UVRAG: variants seen among roughly 807,000 people sequenced by gnomAD.
The protein encoded by UVRAG is UV radiation resistance-associated gene protein.
Under a neutral mutation model 78.0 loss-of-function variants are expected in UVRAG, and 19 were observed. That is an observed-to-expected ratio of 0.24 (90% CI 0.17 to 0.36). The LOEUF (loss-of-function observed/expected upper bound fraction) is 0.36. UVRAG is among the 10% of genes least tolerant of loss of function. UVRAG has a pLI of 1.00. For synonymous variants in UVRAG, 323 were observed against 324.6 expected, an observed-to-expected ratio of 1.00 and a Z score of 0.05; for missense variants, 740 against 853.8, an observed-to-expected ratio of 0.87 and a Z score of 1.66.
chr11:76,015,610 AT>A lies in UVRAG; in HGVS notation c.1061-1204del, dbSNP rs967693638. ...CAGAAAAAAGTATATATATAAAAAA[AT>A]ATATAAATAGTTACCTATTTTTATA... On this transcript the variant is annotated intron_variant, in intron 11 of 14. Transcript: ENST00000356136. 2.6e-5 allele frequency among the ~76,000 whole-genome samples: 4 copies of A among 152,194 alleles called. No homozygotes were observed. The East Asian group carries it at 5.8e-4, about 22-fold the overall frequency.
chr11:76,138,679 GA>G (rs1952643129), intron 14 of UVRAG, among the ~76,000 whole-genome samples: 1 of 152,230 alleles, frequency 6.6e-6, no homozygotes, highest in Non-Finnish European at 1.5e-5. Context: ...GTCACAGCAT[GA>G]GGGGTTAAGC....
At chr11:76,008,207 G>A (rs1949986807) in intron 10 of UVRAG, among the ~76,000 whole-genome samples, 1 of 152,036 alleles carries the variant, frequency 6.6e-6, no homozygotes, top group Non-Finnish European at 1.5e-5. Flanking sequence ...ACTGCACCCT[G>A]CCCATTATCA....
chr11:75,822,100 A>G (rs1945405479), intron 1 of UVRAG, among the ~76,000 whole-genome samples: 1 of 152,036 alleles, frequency 6.6e-6, no homozygotes, highest in South Asian at 2.1e-4. Context: ...ACCCGCCACC[A>G]TGCCCAGCTA....
chr11:76,133,563 C>G (rs1411810057), intron 14 of UVRAG, among the ~76,000 whole-genome samples: 1 of 152,126 alleles, frequency 6.6e-6, no homozygotes, highest in African/African-American at 2.4e-5. Context: ...AAGGTATTTG[C>G]ATGGCAAGGT....
chr11:75,926,839 G>T (rs1311942465), intron 6 of UVRAG, among the ~76,000 whole-genome samples: 1 of 151,968 alleles, frequency 6.6e-6, no homozygotes, highest in Non-Finnish European at 1.5e-5. Context: ...GGATATAGTT[G>T]CCGTCTTTAA....
intron 6 of UVRAG, among the ~76,000 whole-genome samples, chr11:75,929,456 C>T (rs994955997): frequency 6.6e-6 from 1 of 152,060 alleles, no homozygotes; most frequent in Non-Finnish European, 1.5e-5. Context: ...AGGAAGGGTG[C>T]AGTCGCTGAA....
chr11:76,037,888 GT>G (rs1950567753), intron 12 of UVRAG, among the ~76,000 whole-genome samples: 1 of 152,178 alleles, frequency 6.6e-6, no homozygotes, highest in African/African-American at 2.4e-5. Context: ...GGCAAGACTT[GT>G]GAATATATAG....
At chr11:76,107,006 G>A (rs1369115572) in intron 13 of UVRAG, among the ~76,000 whole-genome samples, 1 of 152,100 alleles carries the variant, frequency 6.6e-6, no homozygotes, top group Non-Finnish European at 1.5e-5. Flanking sequence ...TTGCAGTTTT[G>A]CTTTGATTGT....
intron 13 of UVRAG, among the ~76,000 whole-genome samples, chr11:76,094,387 A>C (rs1164397607): frequency 6.6e-6 from 1 of 152,162 alleles, no homozygotes; most frequent in Admixed American, 6.5e-5. Flanking sequence ...TGAGTTAGGG[A>C]GGAATCCCTC....
rs1203991925 is a variant in UVRAG at position 76,004,141 on chromosome 11, T to C, written c.911+52T>C. ...GTGAGTGTGGAGTTTACTGCGAGGA[T>C]AGATTTGAAAAAGTAGCATTCTTTA... is the stretch of plus-strand genomic sequence containing the variant. On this transcript the variant is annotated intron_variant, in intron 9 of 14. Coordinates refer to ENST00000356136, the MANE Select transcript of UVRAG (RefSeq NM_003369.4). 3.8e-6 allele frequency: 6 copies of C among 1,564,388 alleles called. No individual in the cohort carries two copies. In the Admixed American group the frequency reaches 8.4e-5, roughly 22 times the overall value.
chr11:75,931,903 A>G (rs572152723), intron 6 of UVRAG, among the ~76,000 whole-genome samples: 1 of 152,292 alleles, frequency 6.6e-6, no homozygotes, highest in South Asian at 2.1e-4. Context: ...CTATAGGGTG[A>G]CTTTAGGAGT....
At chr11:76,140,673 A>G (rs1234129708) in intron 14 of UVRAG, 38 bp from the exon 15 acceptor site, 1 of 1,530,094 alleles carries the variant, frequency 6.5e-7, no homozygotes, top group Admixed American at 2.1e-5. Context: ...CTGAGTTCTG[A>G]AGTCCAAAGT....
At position 75,981,277 on chromosome 11, in the gene UVRAG, A is replaced by G. The variant is rs147858048; in HGVS notation, c.700-2110A>G. 9.6e-3 allele frequency among the ~76,000 whole-genome samples: 1,455 copies of G among 151,654 alleles called. 12 individuals are homozygous for G. Among genetic ancestry groups the G allele is most frequent in the Middle Eastern group, 0.017 (5 of 292 alleles). On this transcript the variant is annotated intron_variant, in intron 7 of 14. Coordinates refer to ENST00000356136, the MANE Select transcript of UVRAG (RefSeq NM_003369.4). ...CAGGTGCCCACTACCGTGCCCGGCT[A>G]ATTTTTATATTTTTAGTAGAGATGG...
At chr11:75,851,022 G>A (rs1946143866) in intron 1 of UVRAG, among the ~76,000 whole-genome samples, 1 of 152,170 alleles carries the variant, frequency 6.6e-6, no homozygotes, top group Non-Finnish European at 1.5e-5. Flanking sequence ...AGAGCTTTAA[G>A]CACATTTTAA....
chr11:75,854,397 T>C (rs1366586448), intron 2 of UVRAG, among the ~76,000 whole-genome samples: 1 of 152,092 alleles, frequency 6.6e-6, no homozygotes, highest in Admixed American at 6.6e-5. Flanking sequence ...ATCAGTTACA[T>C]TGTCCTTTTT....
chr11:75,880,140 G>C (rs902239346), intron 4 of UVRAG, 100 bp downstream of exon 4: 4 of 1,414,816 alleles, frequency 2.8e-6, no homozygotes, highest in Middle Eastern at 3.8e-4. Flanking sequence ...ATTATAAAGA[G>C]AGACTTTTAT....
At chr11:76,101,793 G>A (rs879137910) in intron 13 of UVRAG, among the ~76,000 whole-genome samples, 1 of 152,116 alleles carries the variant, frequency 6.6e-6, no homozygotes, top group African/African-American at 2.4e-5. Flanking sequence ...TCAGTCTTCT[G>A]CATATGGCTA....
chr11:75,859,138 G>A (rs1172043677), intron 2 of UVRAG, among the ~76,000 whole-genome samples: 1 of 152,194 alleles, frequency 6.6e-6, no homozygotes, highest in Admixed American at 6.5e-5. Context: ...ACTTTGGGAG[G>A]CCGAGGCGTG....
chr11:75,892,114 G>T (rs1285925118), intron 5 of UVRAG, among the ~76,000 whole-genome samples: 1 of 152,126 alleles, frequency 6.6e-6, no homozygotes, highest in Non-Finnish European at 1.5e-5. Context: ...TGAAACCAAG[G>T]TCTTCCTCTT....
Sources: allele counts gnomAD v4.1 joint callset (sites outside exome capture counted in the v4.1 genomes callset), GRCh38; gene constraint gnomAD v4.1.1; transcripts MANE v1.5; gene names NCBI Gene and HGNC (gene_info 2026-07-23, HGNC 2026-07-21).